LOC128462377: variants seen among roughly 807,000 people sequenced by gnomAD.
the LOC128462377 span, among the ~76,000 whole-genome samples, chr16:89,383,030 G>T: frequency 6.6e-6 from 1 of 152,172 alleles, no homozygotes; most frequent in East Asian, 1.9e-4. Flanking sequence ...TTTAATAAAG[G>T]TAGTTATTCA....
At chr16:89,398,654 A>C in the LOC128462377 span, among the ~76,000 whole-genome samples, 95 of 152,262 alleles carry the variant, frequency 6.2e-4, no homozygotes, top group African/African-American at 2.2e-3. Flanking sequence ...AGGCAGGAGG[A>C]AGGTTTGAGC....
chr16:89,417,210 C>G, the LOC128462377 span, among the ~76,000 whole-genome samples: 2 of 152,160 alleles, frequency 1.3e-5, no homozygotes, highest in Non-Finnish European at 2.9e-5. Context: ...AGATAAGGAA[C>G]AGATACACCA....
At chr16:89,372,077 G>A in the LOC128462377 span, among the ~76,000 whole-genome samples, 2 of 152,204 alleles carry the variant, frequency 1.3e-5, no homozygotes, top group South Asian at 2.1e-4. Context: ...GGTGGACTGA[G>A]GAACCACAAG....
chr16:89,388,320 C>T, the LOC128462377 span, among the ~76,000 whole-genome samples: 10 of 34,196 alleles, frequency 2.9e-4, 1 homozygote, highest in South Asian at 3.5e-3. Flanking sequence ...TTTTTTGAGA[C>T]GGAGTCTTGC....
the LOC128462377 span, chr16:89,328,802 G>C: frequency 7.2e-6 from 1 of 139,524 alleles, no homozygotes; most frequent in Non-Finnish European, 1.5e-5. Flanking sequence ...GCGCACGGGC[G>C]AATCAGCGGA....
the LOC128462377 span, among the ~76,000 whole-genome samples, chr16:89,348,921 A>C: frequency 6.6e-6 from 1 of 150,736 alleles, no homozygotes; most frequent in African/African-American, 2.4e-5. Flanking sequence ...TGAAATCACG[A>C]GTTCAAGACC....
the LOC128462377 span, among the ~76,000 whole-genome samples, chr16:89,340,676 CAA>C: frequency 8.5e-5 from 13 of 152,102 alleles, no homozygotes; most frequent in Admixed American, 7.9e-4. Context: ...CAAAAAGAGA[CAA>C]TATAATTAAC....
At chr16:89,341,380 G>T in the LOC128462377 span, among the ~76,000 whole-genome samples, 1 of 152,200 alleles carries the variant, frequency 6.6e-6, no homozygotes, top group Non-Finnish European at 1.5e-5. Context: ...GCAATCTGCA[G>T]ATTCTCACAG....
the LOC128462377 span, among the ~76,000 whole-genome samples, chr16:89,329,377 A>C: frequency 1.3e-5 from 2 of 152,188 alleles, no homozygotes; most frequent in African/African-American, 2.4e-5. Context: ...CTGTGAGTCT[A>C]TAATGATTTC....
chr16:89,321,722 TG>T, the LOC128462377 span, among the ~76,000 whole-genome samples: 1 of 152,098 alleles, frequency 6.6e-6, no homozygotes, highest in South Asian at 2.1e-4. Context: ...AAGACTTCTT[TG>T]GGGTTGAAAT....
At chr16:89,349,434 C>T in the LOC128462377 span, among the ~76,000 whole-genome samples, 2 of 151,054 alleles carry the variant, frequency 1.3e-5, no homozygotes, top group African/African-American at 4.9e-5. Flanking sequence ...GAGCTGAGAT[C>T]GCGCCACTGC....
the LOC128462377 span, among the ~76,000 whole-genome samples, chr16:89,408,367 C>A: frequency 6.6e-6 from 1 of 152,222 alleles, no homozygotes; most frequent in Non-Finnish European, 1.5e-5. Flanking sequence ...AGGTTTGATG[C>A]ACAGAAAGGC....
chr16:89,356,043 T>G, the LOC128462377 span, among the ~76,000 whole-genome samples: 2 of 152,288 alleles, frequency 1.3e-5, no homozygotes, highest in South Asian at 4.1e-4. Flanking sequence ...ATAGCGCCCC[T>G]GCACTCCAGC....
chr16:89,381,418 A>G, the LOC128462377 span, among the ~76,000 whole-genome samples: 4 of 151,842 alleles, frequency 2.6e-5, no homozygotes, highest in African/African-American at 7.3e-5. Flanking sequence ...ACTCCCAGAC[A>G]CCAACACCTA....
the LOC128462377 span, chr16:89,324,730 C>A: frequency 3.0e-6 from 1 of 327,892 alleles, no homozygotes. Context: ...TGGACCTACA[C>A]CAGTGGTTTG....
At chr16:89,413,315 A>C in the LOC128462377 span, among the ~76,000 whole-genome samples, 1 of 152,144 alleles carries the variant, frequency 6.6e-6, no homozygotes, top group Non-Finnish European at 1.5e-5. Flanking sequence ...TCTAAATCTT[A>C]ACAAAAACTT....
the LOC128462377 span, among the ~76,000 whole-genome samples, chr16:89,317,622 G>C: frequency 6.6e-6 from 1 of 152,164 alleles, no homozygotes; most frequent in South Asian, 2.1e-4. Flanking sequence ...TAGGCAAGGG[G>C]TGTCTCTGAG....
At chr16:89,399,426 C>T in the LOC128462377 span, among the ~76,000 whole-genome samples, 3 of 152,142 alleles carry the variant, frequency 2.0e-5, 1 homozygote, top group South Asian at 4.2e-4. Flanking sequence ...ACACGCTGTA[C>T]GGTTCCGACT....
chr16:89,397,485 G>A, the LOC128462377 span, among the ~76,000 whole-genome samples: 8 of 152,208 alleles, frequency 5.3e-5, no homozygotes, highest in Non-Finnish European at 1.2e-4. Context: ...GGCCTTCCCC[G>A]TGGCGGGCCT....
Sources: allele counts gnomAD v4.1 joint callset (sites outside exome capture counted in the v4.1 genomes callset), GRCh38; gene constraint gnomAD v4.1.1; transcripts MANE v1.5.